Variants in CDH4 observed in about 807,000 individuals in gnomAD.
CDH4 encodes the protein cadherin-4.
CDH4 carries 33 observed loss-of-function variants against 86.0 expected under a neutral mutation model. That is an observed-to-expected ratio of 0.38 (90% confidence interval 0.29 to 0.51). CDH4 has a LOEUF of 0.51. CDH4 is among the 20% of genes least tolerant of loss of function. The pLI, the probability that CDH4 is intolerant of heterozygous loss-of-function variation, is 0.86. For synonymous variants in CDH4, 555 were observed against 549.4 expected, an observed-to-expected ratio of 1.01 and a Z score of -0.14; for missense variants, 1,114 against 1,307.4, an observed-to-expected ratio of 0.85 and a Z score of 2.28.
intron 4 of CDH4, among the ~76,000 whole-genome samples, chr20:61,828,799 TG>T (rs1248352769): frequency 6.6e-6 from 1 of 152,232 alleles, no homozygotes; most frequent in Non-Finnish European, 1.5e-5. Context: ...CCTCAGCGTA[TG>T]CTTGTAAAGA....
chr20:61,366,429 A>G (rs1012457528), intron 2 of CDH4, among the ~76,000 whole-genome samples: 2 of 152,328 alleles, frequency 1.3e-5, no homozygotes, highest in South Asian at 2.1e-4. Context: ...GGAATTAAAG[A>G]CACACACACA....
chr20:61,403,508 C>T (rs553445030), intron 2 of CDH4, among the ~76,000 whole-genome samples: 5 of 152,244 alleles, frequency 3.3e-5, no homozygotes, highest in Admixed American at 2.6e-4. Context: ...AGAGTGGCCA[C>T]TTTGTGGGCC....
At chr20:61,659,307 C>A (rs1463583449) in intron 2 of CDH4, among the ~76,000 whole-genome samples, 1 of 152,182 alleles carries the variant, frequency 6.6e-6, no homozygotes, top group Non-Finnish European at 1.5e-5. Flanking sequence ...CACAATTGAT[C>A]CGCTACGGAG....
intron 2 of CDH4, chr20:61,740,817 T>C (rs147521465): frequency 6.6e-6 from 1 of 152,346 alleles, no homozygotes; most frequent in East Asian, 1.9e-4. Context: ...AAGTTATGGT[T>C]AGACTGAAAC....
intron 6 of CDH4, among the ~76,000 whole-genome samples, chr20:61,871,665 T>C (rs1373329391): frequency 2.0e-5 from 3 of 152,084 alleles, no homozygotes; most frequent in African/African-American, 7.3e-5. Flanking sequence ...TGTTGTGCTC[T>C]AAAGTGGTGG....
intron 4 of CDH4, among the ~76,000 whole-genome samples, chr20:61,818,386 T>G (rs1980844718): frequency 6.6e-6 from 1 of 152,088 alleles, no homozygotes; most frequent in African/African-American, 2.4e-5. Context: ...TTCCAAAAAG[T>G]GGGAACTTGG....
At chr20:61,606,441 G>A (rs928011477) in intron 2 of CDH4, among the ~76,000 whole-genome samples, 1 of 152,222 alleles carries the variant, frequency 6.6e-6, no homozygotes, top group African/African-American at 2.4e-5. Context: ...CCCAGACCCA[G>A]GCTGACTCCA....
intron 2 of CDH4, among the ~76,000 whole-genome samples, chr20:61,507,410 G>C (rs1360832789): frequency 6.6e-6 from 1 of 152,100 alleles, no homozygotes; most frequent in Non-Finnish European, 1.5e-5. Flanking sequence ...GGAGATGGAG[G>C]GTTTTCCGGG....
chr20:61,781,689 G>GA, intron 4 of CDH4, among the ~76,000 whole-genome samples: 1 of 152,190 alleles, frequency 6.6e-6, no homozygotes, highest in South Asian at 2.1e-4. Flanking sequence ...GAGATGATCA[G>GA]AAAAAAATCC....
chr20:61,447,088 C>G (rs188154519), intron 2 of CDH4, among the ~76,000 whole-genome samples: 73 of 152,210 alleles, frequency 4.8e-4, no homozygotes, highest in Non-Finnish European at 7.8e-4. Flanking sequence ...AACCTTTTTG[C>G]CTACCATACT....
chr20:61,411,205 C>A (rs986342710), intron 2 of CDH4, among the ~76,000 whole-genome samples: 2 of 151,698 alleles, frequency 1.3e-5, no homozygotes, highest in Non-Finnish European at 2.9e-5. Context: ...TAATGAGGTG[C>A]CTGCTTTCAC....
chr20:61,416,706 C>A (rs896473343), intron 2 of CDH4, among the ~76,000 whole-genome samples: 4 of 152,176 alleles, frequency 2.6e-5, no homozygotes, highest in African/African-American at 9.7e-5. Context: ...CAGACCAGAC[C>A]CATTGAAGGC....
chr20:61,598,133 C>T, intron 2 of CDH4, among the ~76,000 whole-genome samples: 1 of 152,260 alleles, frequency 6.6e-6, no homozygotes, highest in Admixed American at 6.5e-5. Context: ...TGATGGTGAC[C>T]CGCCGGGGAC....
intron 2 of CDH4, among the ~76,000 whole-genome samples, chr20:61,533,358 C>T (rs1360714732): frequency 6.6e-6 from 1 of 152,214 alleles, no homozygotes; most frequent in South Asian, 2.1e-4. Flanking sequence ...TGCAGGGGCC[C>T]CTGGTCAAGT....
At chr20:61,339,794 G>A (rs2084640331) in intron 2 of CDH4, among the ~76,000 whole-genome samples, 1 of 152,290 alleles carries the variant, frequency 6.6e-6, no homozygotes, top group African/African-American at 2.4e-5. Flanking sequence ...GGGATTGGAA[G>A]TCTTAGAGGG....
chr20:61,713,636 C>T (rs1445127349), intron 2 of CDH4, among the ~76,000 whole-genome samples: 7 of 152,238 alleles, frequency 4.6e-5, no homozygotes, highest in Admixed American at 3.3e-4. Flanking sequence ...TGTGCTCCCA[C>T]GCCAGCGCTG....
chr20:61,880,972 G>T (rs1984247769), intron 7 of CDH4, among the ~76,000 whole-genome samples: 1 of 152,236 alleles, frequency 6.6e-6, no homozygotes, highest in South Asian at 2.1e-4. Flanking sequence ...GGGGACCCTG[G>T]ATGGCAGAGG....
intron 2 of CDH4, among the ~76,000 whole-genome samples, chr20:61,554,759 A>G (rs185845878): frequency 1.1e-4 from 16 of 152,360 alleles, no homozygotes; most frequent in Non-Finnish European, 1.9e-4. Flanking sequence ...ATGAACATAT[A>G]TGTGCATATG....
chr20:61,898,539 G>A (rs1024649317), intron 8 of CDH4, among the ~76,000 whole-genome samples: 1 of 152,160 alleles, frequency 6.6e-6, no homozygotes, highest in Non-Finnish European at 1.5e-5. Context: ...GGTCCAGACA[G>A]CACAGAGTGA....
Sources: allele counts gnomAD v4.1 joint callset (sites outside exome capture counted in the v4.1 genomes callset), GRCh38; gene constraint gnomAD v4.1.1; transcripts MANE v1.5; gene names NCBI Gene and HGNC (gene_info 2026-07-23, HGNC 2026-07-21).